Variants in TOX3 observed in about 807,000 individuals in gnomAD.
The protein encoded by TOX3 is TOX high mobility group box family member 3, also known as CAG trinucleotide repeat-containing gene F9 protein.
TOX3 carries 22 observed loss-of-function variants against 64.3 expected under a neutral mutation model. The observed-to-expected ratio is 0.34, with a 90% confidence interval of 0.24 to 0.49. The LOEUF (loss-of-function observed/expected upper bound fraction) is 0.49. Among genes scored for constraint, TOX3 ranks in the 20% least tolerant of loss-of-function variants. The pLI is 0.99. For synonymous variants in TOX3, 291 were observed against 273.6 expected, an observed-to-expected ratio of 1.06 and a Z score of -0.63; for missense variants, 661 against 714.4, an observed-to-expected ratio of 0.93 and a Z score of 0.85.
chr16:52,487,114 A>T (rs1319016906), intron 1 of TOX3, among the ~76,000 whole-genome samples: 2 of 152,090 alleles, frequency 1.3e-5, no homozygotes, highest in Non-Finnish European at 2.9e-5. Context: ...ATGGACAAAA[A>T]CTATTTTCTT....
intron 1 of TOX3, among the ~76,000 whole-genome samples, chr16:52,521,056 A>C (rs1300185365): frequency 1.3e-5 from 2 of 152,182 alleles, no homozygotes; most frequent in East Asian, 3.8e-4. Context: ...AAAGCTACAG[A>C]AGGGTTGTAA....
intron 1 of TOX3, among the ~76,000 whole-genome samples, chr16:52,521,775 C>A (rs1962617074): frequency 6.6e-6 from 1 of 152,194 alleles, no homozygotes; most frequent in African/African-American, 2.4e-5. Context: ...AATGCAAATT[C>A]TTGGGCCCTA....
intron 2 of TOX3, 34 bp downstream of exon 2, chr16:52,468,475 A>C (rs552734403): frequency 6.3e-7 from 1 of 1,593,626 alleles, no homozygotes; most frequent in South Asian, 1.1e-5. Flanking sequence ...ATAACACAAA[A>C]AACAGGAACA....
chr16:52,527,872 G>A (rs901438524), intron 1 of TOX3, among the ~76,000 whole-genome samples: 1 of 152,184 alleles, frequency 6.6e-6, no homozygotes, highest in African/African-American at 2.4e-5. Flanking sequence ...TGAACCAGGG[G>A]ACGTTCGGCA....
intron 3 of TOX3, among the ~76,000 whole-genome samples, chr16:52,453,569 T>C (rs1379573679): frequency 6.6e-6 from 1 of 152,196 alleles, no homozygotes; most frequent in Non-Finnish European, 1.5e-5. Flanking sequence ...CACATTTAAA[T>C]GAAGTATTTT....
chr16:52,488,934 C>T (rs1018888068), intron 1 of TOX3, among the ~76,000 whole-genome samples: 4 of 152,156 alleles, frequency 2.6e-5, no homozygotes, highest in African/African-American at 9.7e-5. Context: ...CCCATTTCCC[C>T]ACAGCAGCTC....
intron 3 of TOX3, 31 bp from the exon 4 acceptor site, chr16:52,450,577 T>C (rs1465546349): frequency 6.2e-7 from 1 of 1,612,196 alleles, no homozygotes; most frequent in Admixed American, 1.7e-5. Context: ...GGGGAAAATA[T>C]TTCAGCTTTT....
At chr16:52,534,588 A>G (rs1309785967) in intron 1 of TOX3, among the ~76,000 whole-genome samples, 1 of 151,968 alleles carries the variant, frequency 6.6e-6, no homozygotes, top group Non-Finnish European at 1.5e-5. Context: ...AGTGGCTATG[A>G]TCACACCACT....
intron 1 of TOX3, among the ~76,000 whole-genome samples, chr16:52,472,627 C>T (rs1961081663): frequency 6.6e-6 from 1 of 152,092 alleles, no homozygotes; most frequent in African/African-American, 2.4e-5. Flanking sequence ...ATATATGGGG[C>T]CTTCTATGCA....
At chr16:52,485,540 T>G (rs1406570206) in intron 1 of TOX3, among the ~76,000 whole-genome samples, 1 of 152,058 alleles carries the variant, frequency 6.6e-6, no homozygotes, top group Non-Finnish European at 1.5e-5. Flanking sequence ...CAATGTTCAC[T>G]ATTTGGGTAA....
Position 52,463,924 on chromosome 16 carries a change from T to C in TOX3, c.408+10A>G. ...TAAAAAATAATTTAAGTAATAAATG[T>C]GGTGCCTACCATATGCAACCCACTG... On this transcript the variant is annotated intron_variant, in intron 3 of 6. Transcript: ENST00000219746. The C allele has an allele frequency of 6.7e-7, 1 of 1,492,132 alleles. No homozygotes were observed. The highest frequency in any genetic ancestry group is 1.8e-4 in the Middle Eastern group (1 of 5,580). 92.4% of individuals were successfully genotyped at this position (1,492,132 alleles called of 1,614,324 possible).
intron 1 of TOX3, among the ~76,000 whole-genome samples, chr16:52,517,385 T>C (rs1372859364): frequency 6.6e-6 from 1 of 151,882 alleles, no homozygotes; most frequent in Non-Finnish European, 1.5e-5. Flanking sequence ...GAGAAAGAGA[T>C]TCAAATACTG....
intron 3 of TOX3, among the ~76,000 whole-genome samples, chr16:52,463,295 T>C (rs1300882218): frequency 6.6e-6 from 1 of 152,208 alleles, no homozygotes; most frequent in Non-Finnish European, 1.5e-5. Flanking sequence ...AGATTTACTC[T>C]AGTGATTGCT....
intron 1 of TOX3, among the ~76,000 whole-genome samples, chr16:52,493,726 T>G (rs2059800715): frequency 6.6e-6 from 1 of 152,208 alleles, no homozygotes; most frequent in African/African-American, 2.4e-5. Context: ...AAACAGTCTT[T>G]GCTTCCACCT....
intron 1 of TOX3, among the ~76,000 whole-genome samples, chr16:52,498,729 T>C (rs1320189281): frequency 6.6e-6 from 1 of 152,226 alleles, no homozygotes; most frequent in Non-Finnish European, 1.5e-5. Context: ...GTGTAACTCA[T>C]GATTAAAAGG....
chr16:52,492,254 A>C (rs1178598445), intron 1 of TOX3, among the ~76,000 whole-genome samples: 2 of 146,940 alleles, frequency 1.4e-5, no homozygotes, highest in African/African-American at 4.9e-5. Context: ...TATATATTAT[A>C]CAATATAAAT....
intron 1 of TOX3, among the ~76,000 whole-genome samples, chr16:52,477,660 A>ACTTGCTAGGGGTCATTGTGTACAAG (rs1256433297): frequency 2.8e-4 from 43 of 152,058 alleles, no homozygotes; most frequent in African/African-American, 9.4e-4. Flanking sequence ...CAGCTGAACT[A>ACTTGCTAGGGGTCATTGTGTACAAG]CTTGCTAGGG....
At chr16:52,468,080 C>T (rs1460799551) in intron 2 of TOX3, among the ~76,000 whole-genome samples, 1 of 152,140 alleles carries the variant, frequency 6.6e-6, no homozygotes, top group Non-Finnish European at 1.5e-5. Context: ...CACATAGTTT[C>T]CCAAACCATG....
chr16:52,476,498 T>C (rs1961211645), intron 1 of TOX3, among the ~76,000 whole-genome samples: 1 of 152,140 alleles, frequency 6.6e-6, no homozygotes, highest in Admixed American at 6.5e-5. Context: ...GGGAAGTTTT[T>C]TCTTGCTTTT....
Sources: allele counts gnomAD v4.1 joint callset (sites outside exome capture counted in the v4.1 genomes callset), GRCh38; gene constraint gnomAD v4.1.1; transcripts MANE v1.5; gene names NCBI Gene and HGNC (gene_info 2026-07-23, HGNC 2026-07-21).